The following COL13A1 variants were observed in gnomAD, a reference collection of about 807,000 sequenced individuals.
The protein encoded by COL13A1 is collagen alpha-1(XIII) chain.
COL13A1 carries 89 observed loss-of-function variants against 130.9 expected under a neutral mutation model. That is an observed-to-expected ratio of 0.68 (90% CI 0.57 to 0.81). The LOEUF (loss-of-function observed/expected upper bound fraction) is 0.81. COL13A1 is among the 30% of genes least tolerant of loss of function. COL13A1 has a pLI of 0.00. For synonymous variants in COL13A1, 402 were observed against 341.6 expected (o/e 1.18, Z -1.95); for missense variants, 879 against 934.6 (o/e 0.94, Z 0.78).
intron 17 of COL13A1, among the ~76,000 whole-genome samples, chr10:69,906,709 T>C (rs2062789742): frequency 6.6e-6 from 1 of 151,950 alleles, no homozygotes; most frequent in Admixed American, 6.6e-5. Context: ...GTGGCCTTTT[T>C]GTTTGTTTGT....
At chr10:69,907,708 T>A (rs761380261) in intron 17 of COL13A1, among the ~76,000 whole-genome samples, 1 of 150,842 alleles carries the variant, frequency 6.6e-6, no homozygotes, top group Non-Finnish European at 1.5e-5. Context: ...ACTAAACCAC[T>A]CCCATGATAA....
intron 2 of COL13A1, among the ~76,000 whole-genome samples, chr10:69,866,129 G>A (rs1340392300): frequency 6.6e-6 from 1 of 152,222 alleles, no homozygotes; most frequent in Non-Finnish European, 1.5e-5. Flanking sequence ...GGTGCACCCA[G>A]CAAACTGCTC....
chr10:69,918,716 A>G (rs142476364), intron 19 of COL13A1, among the ~76,000 whole-genome samples: 28 of 152,298 alleles, frequency 1.8e-4, no homozygotes, highest in African/African-American at 6.5e-4. Flanking sequence ...GACAGCCTGG[A>G]AAAACAAGTG....
At chr10:69,944,070 C>T in intron 35 of COL13A1, 55 bp from the exon 36 acceptor site, 1 of 1,509,458 alleles carries the variant, frequency 6.6e-7, no homozygotes, top group Non-Finnish European at 9.2e-7. Flanking sequence ...GGTGGGGCAC[C>T]CAGGGCTCCC....
In COL13A1 at chr10:69,887,507, T is replaced by C. The variant is rs1481651881; in HGVS notation, c.549+16T>C. 1.2e-6 allele frequency: 2 copies of C among 1,613,556 alleles called. No homozygotes were observed. The highest frequency in any genetic ancestry group is 1.7e-4 in the Middle Eastern group (1 of 6,054). ...TGGATTTCCGGTAAGTGGAGAAGGC[T>C]GAAGTTAGCTGTGTCCCAGGTGGTC... is the stretch of plus-strand genomic sequence containing the variant. On this transcript the variant is annotated intron_variant, in intron 8 of 40. Coordinates refer to ENST00000645393, the MANE Select transcript of COL13A1 (RefSeq NM_001368882.1).
intron 24 of COL13A1, among the ~76,000 whole-genome samples, chr10:69,924,090 C>T (rs773411288): frequency 3.3e-5 from 5 of 152,164 alleles, no homozygotes; most frequent in Admixed American, 1.3e-4. Context: ...CAGAGCTTCC[C>T]GAGCCATTGG....
rs1565074999 is a variant in COL13A1, at chr10:69,923,330, A to T, written c.1231-472A>T. Among the ~76,000 whole-genome samples the T allele has an allele frequency of 2.0e-5, 3 of 152,334 alleles. No homozygotes were observed. The South Asian group carries it at 6.2e-4, about 32-fold the overall frequency. ...GCCCTCACTTTCCTTTTGCTGCTTG[A>T]AAAGTGCAATGGTAAGATTTGGGTT... On this transcript the variant is annotated intron_variant, in intron 23 of 40. Coordinates refer to ENST00000645393, the MANE Select transcript of COL13A1 (RefSeq NM_001368882.1).
rs550378965 is a variant in COL13A1 at position 69,833,331 on chromosome 10, C to A, written c.364+10893C>A. Among the ~76,000 whole-genome samples the A allele has an allele frequency of 1.6e-4, 25 of 152,354 alleles. No homozygotes were observed. In the South Asian group the frequency reaches 5.2e-3, roughly 32 times the overall value. On this transcript the variant is annotated intron_variant, in intron 2 of 40. Coordinates refer to ENST00000645393, the MANE Select transcript of COL13A1 (RefSeq NM_001368882.1). ...TAGATTGAGCACCCCCACCTCTCCA[C>A]TCCTCACCTCAGCCCAGGCCAGGAA...
intron 2 of COL13A1, among the ~76,000 whole-genome samples, chr10:69,846,048 C>T (rs1467963306): frequency 1.3e-5 from 2 of 152,280 alleles, no homozygotes; most frequent in Non-Finnish European, 2.9e-5. Flanking sequence ...CTGAATGAAC[C>T]ATTCCTGGAC....
At chr10:69,851,170 C>T (rs755061908) in intron 2 of COL13A1, among the ~76,000 whole-genome samples, 2 of 152,230 alleles carry the variant, frequency 1.3e-5, no homozygotes, top group Non-Finnish European at 2.9e-5. Context: ...TGCTTCACAA[C>T]TGTAGATTCG....
intron 22 of COL13A1, among the ~76,000 whole-genome samples, 169 bp from the exon 23 acceptor site, chr10:69,922,539 A>G (rs140903567): frequency 4.6e-5 from 7 of 152,296 alleles, no homozygotes; most frequent in Admixed American, 2.6e-4. Flanking sequence ...GCCCTTCAGT[A>G]AACACTTCCA....
Position 69,875,103 on chromosome 10 carries a change from C to G in COL13A1, c.400-25C>G, listed in dbSNP as rs772576448. 3.7e-6 allele frequency: 6 copies of G among 1,613,888 alleles called. No individual in the cohort carries two copies. In the African/African-American group the frequency reaches 8.0e-5, roughly 22 times the overall value. Reference sequence around the variant, plus strand: ...CTAGCCTGGTTCCAACCACATCTGACTGTTTCTGCCTCCTTCATCATCAGG... The same window carrying G: ...CTAGCCTGGTTCCAACCACATCTGAGTGTTTCTGCCTCCTTCATCATCAGG... On this transcript the variant is annotated intron_variant, in intron 4 of 40. Coordinates refer to ENST00000645393, the MANE Select transcript of COL13A1 (RefSeq NM_001368882.1).
intron 2 of COL13A1, among the ~76,000 whole-genome samples, chr10:69,858,418 C>G (rs927543753): frequency 6.6e-6 from 1 of 152,186 alleles, no homozygotes; most frequent in Non-Finnish European, 1.5e-5. Context: ...GCAGCTTGCC[C>G]AAGGTCACAC....
intron 17 of COL13A1, among the ~76,000 whole-genome samples, chr10:69,911,867 A>G (rs1440394441): frequency 2.6e-5 from 4 of 152,240 alleles, no homozygotes; most frequent in Non-Finnish European, 5.9e-5. Context: ...TGGAGGAGGC[A>G]GCTTGCCCCA....
intron 35 of COL13A1, among the ~76,000 whole-genome samples, chr10:69,942,702 C>A (rs1035391055): frequency 9.2e-5 from 14 of 152,216 alleles, no homozygotes; most frequent in African/African-American, 3.4e-4. Context: ...CTGGCACGGT[C>A]AAGGAGGCAG....
At chr10:69,839,279 C>A (rs1046462534) in intron 2 of COL13A1, among the ~76,000 whole-genome samples, 1 of 152,198 alleles carries the variant, frequency 6.6e-6, no homozygotes, top group Non-Finnish European at 1.5e-5. Flanking sequence ...GAGGTCTTGA[C>A]CTCTTCCTGC....
At chr10:69,877,774 G>A (rs1023945743) in intron 5 of COL13A1, among the ~76,000 whole-genome samples, 1 of 140,498 alleles carries the variant, frequency 7.1e-6, no homozygotes, top group African/African-American at 2.7e-5. Context: ...GCCTCTTACG[G>A]CCCCAGCCAC....
chr10:69,855,600 G>A (rs774418361), intron 2 of COL13A1, among the ~76,000 whole-genome samples: 22 of 152,108 alleles, frequency 1.4e-4, no homozygotes, highest in Admixed American at 3.3e-4. Flanking sequence ...AAGAAAAATA[G>A]ATATCCAGGG....
chr10:69,826,460 G>A (rs987335430), intron 2 of COL13A1, among the ~76,000 whole-genome samples: 1 of 152,226 alleles, frequency 6.6e-6, no homozygotes, highest in African/African-American at 2.4e-5. Context: ...CTAGCGCCAT[G>A]ACCAGCACTG....
Sources: gnomAD v4.1 joint callset for allele counts (sites outside exome capture counted in the v4.1 genomes callset) on GRCh38, gnomAD v4.1.1 for gene constraint, MANE v1.5 for transcripts, NCBI Gene and HGNC (gene_info 2026-07-23, HGNC 2026-07-21) for gene names.